THAP1: variants seen among roughly 807,000 people sequenced by gnomAD.
The protein encoded by THAP1 is THAP domain containing 1.
THAP1 carries 6 observed loss-of-function variants against 18.2 expected under a neutral mutation model. That is an observed-to-expected ratio of 0.33 (90% CI 0.18 to 0.65). The LOEUF (loss-of-function observed/expected upper bound fraction) is 0.65, where lower values mean the gene tolerates loss of function less well. THAP1 is among the 30% of genes least tolerant of loss of function. The pLI is 0.74. For synonymous variants in THAP1, 85 were observed against 90.5 expected (o/e 0.94, Z 0.34); for missense variants, 176 against 253.0 (o/e 0.70, Z 2.06).
chr8:42,842,942 G>T (rs1373518217), intron 1 of THAP1, 82 bp downstream of exon 1: 2 of 968,876 alleles, frequency 2.1e-6, no homozygotes, highest in Admixed American at 5.0e-5. Flanking sequence ...GCGGACACGC[G>T]CCTGGCTCCG....
chr8:42,842,979 C>T, intron 1 of THAP1, 45 bp downstream of exon 1: 1 of 1,528,476 alleles, frequency 6.5e-7, no homozygotes, highest in Non-Finnish European at 8.8e-7. Context: ...CCGCGCGCCC[C>T]CACCCCGGCT....
Position 42,842,913 on chromosome 8 carries a change from G to T in THAP1, c.71+111C>A, listed in dbSNP as rs536990981. The T allele has an allele frequency of 5.2e-5, 43 of 833,000 alleles. 1 individual carries two copies. The East Asian group carries it at 2.4e-3, about 46-fold the overall frequency. The allele number at this position is 833,000 out of a possible 1,614,324, so 51.6% of individuals were successfully genotyped here. ...GAAACGCCCGACACGGCCGGCCCCA[G>T]ACCCCACCCGCCCCTCGCGCGGACA... On this transcript the variant is annotated intron_variant, in intron 1 of 2. Coordinates refer to ENST00000254250, the MANE Select transcript of THAP1 (RefSeq NM_018105.3).
chr8:42,842,885 T>C, intron 1 of THAP1, 139 bp downstream of exon 1: 5 of 621,618 alleles, frequency 8.0e-6, no homozygotes, highest in Non-Finnish European at 6.4e-6. Context: ...CGGGACGCGG[T>C]GGGAAACGCC....
chr8:42,838,686 A>AAAAT lies in THAP1; in HGVS notation c.268-354_268-351dup, dbSNP rs534146061. ...TGGGCAACAAAGACTTTGTCTCCAA[A>AAAAT]AAATAAATAAATAAATAAATAATAA... On this transcript the variant is annotated intron_variant, in intron 2 of 2. Transcript: ENST00000254250. 1.4e-3 allele frequency among the ~76,000 whole-genome samples: 219 copies of AAAAT among 152,202 alleles called. 2 individuals are homozygous for AAAAT. The highest frequency in any genetic ancestry group is 4.8e-3 in the African/African-American group (201 of 41,536).
At chr8:42,842,914 A>ACCCCC in intron 1 of THAP1, 110 bp downstream of exon 1, 2 of 827,364 alleles carry the variant, frequency 2.4e-6, no homozygotes. Flanking sequence ...CCGGCCCCAG[A>ACCCCC]CCCCACCCGC....
chr8:42,842,945 T>TGGCTCCGCCCCC (rs1802752962), intron 1 of THAP1, 79 bp downstream of exon 1: 3 of 773,468 alleles, frequency 3.9e-6, no homozygotes, highest in Middle Eastern at 5.6e-4. Flanking sequence ...GACACGCGCC[T>TGGCTCCGCCCCC]GGCTCCGCCC....
At position 42,843,279 on chromosome 8, in the gene THAP1, C is replaced by A. The variant is rs1802764116; in HGVS notation, c.-185G>T. The A allele has an allele frequency of 2.9e-6, 2 of 689,118 alleles. No homozygotes were observed. Among genetic ancestry groups the A allele is most frequent in the Non-Finnish European group, 2.6e-6 (1 of 388,244 alleles). The allele number at this position is 689,118 out of a possible 1,614,324, so 42.7% of individuals were successfully genotyped here. A position where few individuals can be genotyped will look rare whatever the true frequency, so the allele number is the denominator to read the frequency against. On this transcript the variant is annotated 5_prime_UTR_variant, in exon 1 of 3. Transcript: ENST00000254250. ...TTGTTGTTTGCATTAGCAGAAGGAC[C>A]ACAGCCATCGCCCGTCTCCCATCTC... is the stretch of plus-strand genomic sequence containing the variant.
At chr8:42,842,906 G>A in intron 1 of THAP1, 118 bp downstream of exon 1, 11 of 788,728 alleles carry the variant, frequency 1.4e-5, no homozygotes, top group Non-Finnish European at 1.8e-5. Context: ...CGACACGGCC[G>A]GCCCCAGACC....
intron 1 of THAP1, 43 bp downstream of exon 1, chr8:42,842,981 A>T: frequency 6.9e-7 from 1 of 1,453,962 alleles, no homozygotes; most frequent in Non-Finnish European, 9.2e-7. Flanking sequence ...GCGCGCCCCC[A>T]CCCCGGCTGA....
chr8:42,839,025 T>C (rs1402221765), intron 2 of THAP1, among the ~76,000 whole-genome samples, 161 bp downstream of exon 2: 1 of 152,262 alleles, frequency 6.6e-6, no homozygotes, highest in Non-Finnish European at 1.5e-5. Flanking sequence ...TATTTATCTT[T>C]AATAAACTGC....
In THAP1 at chr8:42,839,179, A is replaced by T; in HGVS notation, c.267+7T>A. ...AAAGCAACCCAATATTTTAAAATGC[A>T]TATTACCTTGTCATGTGGCTCAGTA... is the stretch of plus-strand genomic sequence containing the variant. On this transcript the variant is annotated splice_region_variant and intron_variant, in intron 2 of 2. Coordinates refer to ENST00000254250, the MANE Select transcript of THAP1 (RefSeq NM_018105.3). 3 of 1,614,024 alleles carry T rather than the reference A, an allele frequency of 1.9e-6. No homozygotes were observed. Among genetic ancestry groups the T allele is most frequent in the Non-Finnish European group, 2.5e-6 (3 of 1,179,972 alleles).
At chr8:42,840,868 G>A (rs1802703936) in intron 1 of THAP1, among the ~76,000 whole-genome samples, 1 of 151,088 alleles carries the variant, frequency 6.6e-6, no homozygotes, top group Non-Finnish European at 1.5e-5. Context: ...TTGGGAGGCT[G>A]AGGCAGGAGA....
Position 42,838,423 on chromosome 8 carries a change from T to C in THAP1, c.268-87A>G, listed in dbSNP as rs111989331. The stretch of plus-strand genomic sequence containing the variant: ...TGGACTGACCAGGCGCAGTGGCTCA[T>C]GCCTATAATCCTAGTACTTTTGTGA... On this transcript the variant is annotated intron_variant, in intron 2 of 2. Coordinates refer to ENST00000254250, the MANE Select transcript of THAP1 (RefSeq NM_018105.3). 104,691 of 1,547,236 alleles carry C rather than the reference T, an allele frequency of 0.068. 7,128 individuals are homozygous for C. Among genetic ancestry groups the C allele is most frequent in the African/African-American group, 0.26 (19,192 of 73,890 alleles).
chr8:42,842,337 G>A (rs865837344), intron 1 of THAP1, among the ~76,000 whole-genome samples: 7 of 152,146 alleles, frequency 4.6e-5, no homozygotes, highest in African/African-American at 1.7e-4. Flanking sequence ...GAAAGCTGTG[G>A]GGCAGTTTCT....
chr8:42,837,933 C>A lies in THAP1; in HGVS notation c.*29G>T. 6.2e-7 allele frequency: 1 copy of A among 1,607,462 alleles called. No homozygotes were observed. The highest frequency in any genetic ancestry group is 1.1e-5 in the South Asian group (1 of 90,978). ...TAGAGGAGGATATGTGGTATTGCCCCATTAGAAATCAATACACATTTCATT... is the reference window on the plus strand; with the variant it reads ...TAGAGGAGGATATGTGGTATTGCCCAATTAGAAATCAATACACATTTCATT... On this transcript the variant is annotated 3_prime_UTR_variant, in exon 3 of 3. Transcript: ENST00000254250.
rs1005422213 is a variant in THAP1, at chr8:42,843,289, G to A, written c.-195C>T. The A allele has an allele frequency of 4.6e-6, 3 of 657,394 alleles. No individual in the cohort carries two copies. In the African/African-American group the frequency reaches 5.4e-5, roughly 12 times the overall value. 40.7% of individuals were successfully genotyped at this position (657,394 alleles called of 1,614,324 possible). A position where few individuals can be genotyped will look rare whatever the true frequency, so the allele number is the denominator to read the frequency against. ...CATTAGCAGAAGGACCACAGCCATC[G>A]CCCGTCTCCCATCTCCAAGATGGCG... On this transcript the variant is annotated 5_prime_UTR_variant, in exon 1 of 3. An upstream open reading frame in the 5' UTR gains an earlier in-frame stop. Coordinates refer to ENST00000254250, the MANE Select transcript of THAP1 (RefSeq NM_018105.3).
At chr8:42,840,286 C>T (rs1802693475) in intron 1 of THAP1, among the ~76,000 whole-genome samples, 1 of 152,098 alleles carries the variant, frequency 6.6e-6, no homozygotes, top group Non-Finnish European at 1.5e-5. Flanking sequence ...TATCTGCGTA[C>T]TGGGAAAAAG....
At chr8:42,841,580 G>A (rs1802719065) in intron 1 of THAP1, among the ~76,000 whole-genome samples, 1 of 152,262 alleles carries the variant, frequency 6.6e-6, no homozygotes, top group South Asian at 2.1e-4. Context: ...ATGAGCCATC[G>A]TGCCTCGACA....
chr8:42,842,876 G>A (rs989160276), intron 1 of THAP1, 148 bp downstream of exon 1: 2 of 524,754 alleles, frequency 3.8e-6, no homozygotes, highest in African/African-American at 2.1e-5. Context: ...GGTTCCCAGC[G>A]GGACGCGGTG....
Sources: allele counts gnomAD v4.1 joint callset (sites outside exome capture counted in the v4.1 genomes callset), GRCh38; gene constraint gnomAD v4.1.1; transcripts MANE v1.5; gene names NCBI Gene and HGNC (gene_info 2026-07-23, HGNC 2026-07-21).